The following SLC15A5 variants were observed in gnomAD, a reference collection of about 807,000 sequenced individuals.
The protein encoded by SLC15A5 is solute carrier family 15 member 5.
A neutral mutation model predicts 56.1 loss-of-function variants in SLC15A5; 58 were observed. The ratio of observed to expected loss-of-function variants is 1.03; its 90% CI spans 0.84 to 1.29. SLC15A5 has a LOEUF of 1.29. Ranked by LOEUF, SLC15A5 falls within the 50% of genes most tolerant of loss-of-function variation. The pLI is 0.00. For missense variants in SLC15A5, 681 were observed against 672.1 expected (o/e 1.01, Z -0.15); for synonymous variants, 264 against 250.5 (o/e 1.05, Z -0.51).
At position 16,243,875 on chromosome 12, in the gene SLC15A5, C is replaced by A. The variant is rs1158696096; in HGVS notation, c.975+705G>T. On this transcript the variant is annotated intron_variant, in intron 4 of 8. Coordinates refer to ENST00000344941, the MANE Select transcript of SLC15A5 (RefSeq NM_001170798.1). The surrounding 1 kb of genome is among the most constrained non-coding windows in gnomAD (Gnocchi z 4.4). ...TATTCTATGATTTCTAAATGTAACT[C>A]ATTCATGAGTCTTCTAAATTCCAAG... 1.3e-5 allele frequency among the ~76,000 whole-genome samples: 2 copies of A among 152,174 alleles called. No individual in the cohort carries two copies. The highest frequency in any genetic ancestry group is 6.5e-5 in the Admixed American group (1 of 15,272).
chr12:16,258,417 T>C (rs985798836), intron 2 of SLC15A5, among the ~76,000 whole-genome samples: 1 of 152,138 alleles, frequency 6.6e-6, no homozygotes, highest in Non-Finnish European at 1.5e-5. Flanking sequence ...TTCCCAATGA[T>C]TAGTATCACA....
intron 5 of SLC15A5, among the ~76,000 whole-genome samples, chr12:16,233,516 T>C (rs955891764): frequency 3.3e-5 from 5 of 152,232 alleles, no homozygotes; most frequent in African/African-American, 9.6e-5. Context: ...ATGCAGGTCA[T>C]ACAAAAACAG....
At chr12:16,222,520 T>A (rs1864198332) in intron 6 of SLC15A5, among the ~76,000 whole-genome samples, 2 of 152,098 alleles carry the variant, frequency 1.3e-5, no homozygotes. Context: ...GGATTGGAGG[T>A]TAAATGAGTT....
intron 2 of SLC15A5, among the ~76,000 whole-genome samples, chr12:16,270,217 C>G (rs139262133): frequency 6.6e-6 from 1 of 152,136 alleles, no homozygotes; most frequent in Non-Finnish European, 1.5e-5. Context: ...GTCTATGCTA[C>G]TTAACATGAT....
At chr12:16,251,955 C>G (rs879884266) in intron 3 of SLC15A5, among the ~76,000 whole-genome samples, 6 of 151,946 alleles carry the variant, frequency 3.9e-5, no homozygotes, top group Non-Finnish European at 8.8e-5. Context: ...AGACCACAGA[C>G]AAGTGGAATT....
chr12:16,195,086 A>T (rs1565654859), intron 7 of SLC15A5, among the ~76,000 whole-genome samples: 1 of 151,992 alleles, frequency 6.6e-6, no homozygotes, highest in Non-Finnish European at 1.5e-5. Context: ...AAGGATCTGT[A>T]CTTCATTATG....
At chr12:16,205,638 T>G in intron 7 of SLC15A5, among the ~76,000 whole-genome samples, 1 of 146,914 alleles carries the variant, frequency 6.8e-6, no homozygotes, top group Non-Finnish European at 1.5e-5. Context: ...TATATACACA[T>G]ATATACACAT....
At chr12:16,260,319 A>G (rs1374652999) in intron 2 of SLC15A5, among the ~76,000 whole-genome samples, 1 of 152,144 alleles carries the variant, frequency 6.6e-6, no homozygotes, top group Admixed American at 6.5e-5. Context: ...GAAATTCATT[A>G]TTGTCCTTCC....
At chr12:16,247,632 G>T (rs529370354) in intron 3 of SLC15A5, among the ~76,000 whole-genome samples, 2 of 152,020 alleles carry the variant, frequency 1.3e-5, no homozygotes, top group Non-Finnish European at 2.9e-5. Flanking sequence ...GCAAAGAGAC[G>T]TAGGAAACAT....
intron 8 of SLC15A5, among the ~76,000 whole-genome samples, chr12:16,190,849 A>G (rs1863832721): frequency 6.6e-6 from 1 of 152,108 alleles, no homozygotes; most frequent in South Asian, 2.1e-4. Context: ...GACACAAAAG[A>G]TTACTAGAAT....
At chr12:16,190,051 C>T (rs978140386) in intron 8 of SLC15A5, among the ~76,000 whole-genome samples, 7 of 152,142 alleles carry the variant, frequency 4.6e-5, no homozygotes, top group Non-Finnish European at 8.8e-5. Flanking sequence ...TTTTAACAAC[C>T]TGCTACGCTG....
At chr12:16,199,304 C>A (rs1387037504) in intron 7 of SLC15A5, among the ~76,000 whole-genome samples, 109 of 91,244 alleles carry the variant, frequency 1.2e-3, no homozygotes, top group African/African-American at 1.2e-3. Context: ...TAGACTGTCT[C>A]AAAAAAAAAA....
intron 7 of SLC15A5, among the ~76,000 whole-genome samples, chr12:16,210,455 A>G (rs1204350052): frequency 3.3e-5 from 5 of 152,194 alleles, no homozygotes; most frequent in African/African-American, 1.2e-4. Flanking sequence ...CCAAAACATC[A>G]TATCTATAAT....
rs149125126 is a variant in SLC15A5 at position 16,261,701 on chromosome 12, G to C, written c.585-3831C>G. ...TTTTACATTATCACAACATGTGTAT[G>C]AGAGTTCTAATCTCTTCATATCCCT... is the stretch of plus-strand genomic sequence containing the variant. On this transcript the variant is annotated intron_variant, in intron 2 of 8. Transcript: ENST00000344941. 8.0e-3 allele frequency among the ~76,000 whole-genome samples: 1,222 copies of C among 152,254 alleles called. 16 individuals are homozygous for C. Among genetic ancestry groups the C allele is most frequent in the African/African-American group, 0.028 (1,169 of 41,552 alleles).
In SLC15A5 at chr12:16,189,814, A is replaced by G. The variant is rs749416553; in HGVS notation, c.1594T>C (p.Tyr532His). ...GCATTAAAATGATTTAGATTACAAT[A>G]TCTAAAAAAGAAAGAAAGAAAGCTT... ...VLGFCSVSQRYCNLNHFNAQN... is the reference protein window; with the variant it reads ...VLGFCSVSQRHCNLNHFNAQN... Residue 532 changes from tyrosine (Y) to histidine (H), a missense_variant and splice_region_variant, in exon 9 of 9, where the codon TAT becomes CAT. Physicochemically the swap from Tyr to His is moderately conservative, Grantham distance 83. Transcript: ENST00000344941. 39 of 1,481,074 alleles carry G rather than the reference A, an allele frequency of 2.6e-5. No individual in the cohort carries two copies. The highest frequency in any genetic ancestry group is 3.3e-5 in the Non-Finnish European group (37 of 1,121,294). The allele number at this position is 1,481,074 out of a possible 1,614,324, so 91.7% of individuals were successfully genotyped here.
chr12:16,249,377 C>CA (rs1864498062), intron 3 of SLC15A5, among the ~76,000 whole-genome samples: 1 of 152,056 alleles, frequency 6.6e-6, no homozygotes, highest in South Asian at 2.1e-4. Flanking sequence ...AAGGATTACA[C>CA]ACCTCACTAA....
In SLC15A5 at chr12:16,189,758, T is replaced by C; in HGVS notation, c.1650A>G (p.Glu550=). Residue 550 remains glutamate, a synonymous_variant, in exon 9 of 9, where the codon GAA becomes GAG. Coordinates refer to ENST00000344941, the MANE Select transcript of SLC15A5 (RefSeq NM_001170798.1). ...GAGATTTTTCGTGGAGGAGAAGTGT[T>C]TCTTCAAGATTACTTCCACGGATGT... The part of the protein sequence containing the change: ...AQNIRGSNLE[E]TLLLHEKSLK... The C allele has an allele frequency of 6.5e-7, 1 of 1,530,218 alleles. No individual in the cohort carries two copies. Among genetic ancestry groups the C allele is most frequent in the African/African-American group, 1.4e-5 (1 of 72,836 alleles). The allele number at this position is 1,530,218 out of a possible 1,614,324, so 94.8% of individuals were successfully genotyped here.
At chr12:16,247,391 G>T (rs1054169386) in intron 3 of SLC15A5, among the ~76,000 whole-genome samples, 3 of 152,134 alleles carry the variant, frequency 2.0e-5, no homozygotes, top group African/African-American at 7.2e-5. Context: ...TACTTACTGA[G>T]AATCTACTAG....
At chr12:16,265,193 T>A (rs1864681849) in intron 2 of SLC15A5, among the ~76,000 whole-genome samples, 1 of 152,080 alleles carries the variant, frequency 6.6e-6, no homozygotes, top group Non-Finnish European at 1.5e-5. Context: ...TGTAGCAAGG[T>A]ATGGAGAAAA....
Sources: allele counts gnomAD v4.1 joint callset (sites outside exome capture counted in the v4.1 genomes callset), GRCh38; gene constraint gnomAD v4.1.1; non-coding constraint Gnocchi (gnomAD v3.1); transcripts MANE v1.5; gene names NCBI Gene and HGNC (gene_info 2026-07-23, HGNC 2026-07-21).